BMPER: variants seen among roughly 807,000 people sequenced by gnomAD.
The protein encoded by BMPER is BMP-binding endothelial regulator protein.
A neutral mutation model predicts 87.3 loss-of-function variants in BMPER; 45 were observed. The ratio of observed to expected loss-of-function variants is 0.52; its 90% confidence interval spans 0.41 to 0.66. BMPER has a LOEUF of 0.66. BMPER is among the 30% of genes least tolerant of loss of function. The pLI, the probability that BMPER is intolerant of heterozygous loss-of-function variation, is 0.00. For missense variants in BMPER, 784 were observed against 867.5 expected (o/e 0.90, Z 1.21); for synonymous variants, 326 against 316.2 (o/e 1.03, Z -0.33).
At chr7:34,087,186 T>G (rs771165616) in intron 13 of BMPER, among the ~76,000 whole-genome samples, 1 of 152,230 alleles carries the variant, frequency 6.6e-6, no homozygotes, top group Non-Finnish European at 1.5e-5. Flanking sequence ...CCAAACCATT[T>G]GGCTCCGAGT....
At chr7:34,056,539 GCCT>G (rs1329645682) in intron 9 of BMPER, among the ~76,000 whole-genome samples, 2 of 151,454 alleles carry the variant, frequency 1.3e-5, no homozygotes, top group East Asian at 3.9e-4. Flanking sequence ...ATATAAAGTC[GCCT>G]CCTCCTCTGT....
At chr7:34,141,610 CA>C (rs70997567) in intron 13 of BMPER, among the ~76,000 whole-genome samples, 12,941 of 54,942 alleles carry the variant, frequency 0.24, 313 homozygotes, top group Middle Eastern at 0.29. Context: ...AACACCATCT[CA>C]AAAAAAAAAA....
chr7:34,145,984 T>C (rs1042036450), intron 14 of BMPER, among the ~76,000 whole-genome samples: 4 of 152,086 alleles, frequency 2.6e-5, no homozygotes, highest in Non-Finnish European at 5.9e-5. Flanking sequence ...CTCCATCAAA[T>C]GAAGTTCAGT....
At chr7:34,145,339 C>G (rs529265269) in intron 14 of BMPER, among the ~76,000 whole-genome samples, 1 of 152,280 alleles carries the variant, frequency 6.6e-6, no homozygotes, top group African/African-American at 2.4e-5. Flanking sequence ...TTTGGTTGCG[C>G]CCCCACCTCT....
At position 33,974,852 on chromosome 7, in the gene BMPER, AC is replaced by A. The variant is rs1202770329; in HGVS notation, c.576+73del. ...AGCACTTCTTGTACTCACCAAGAGC[AC>A]CCCCGGTCTCTACAGCCTCTCTCTC... is the stretch of plus-strand genomic sequence containing the variant. On this transcript the variant is annotated intron_variant, in intron 6 of 14. Transcript: ENST00000649409. 4 of 1,442,604 alleles carry A rather than the reference AC, an allele frequency of 2.8e-6. 1 individual carries two copies. Among genetic ancestry groups the A allele is most frequent in the Non-Finnish European group, 3.9e-6 (4 of 1,025,520 alleles). The allele number at this position is 1,442,604 out of a possible 1,614,324, so 89.4% of individuals were successfully genotyped here. A position where few individuals can be genotyped will look rare whatever the true frequency, so the allele number is the denominator to read the frequency against.
intron 11 of BMPER, among the ~76,000 whole-genome samples, chr7:34,065,972 T>C (rs1175099668): frequency 6.6e-6 from 1 of 152,202 alleles, no homozygotes; most frequent in Non-Finnish European, 1.5e-5. Flanking sequence ...TCCAATTTAT[T>C]TTGGTTACCT....
rs200214350 is a variant in BMPER, at chr7:34,024,384, AATATATATATATATATATATAT to A, written c.577-21893_577-21872del. ...AAAAAAAAAAAAAAAAAAAAAAAAC[AATATATATATATATATATATAT>A]ATATATATATATATATATATATATA... On this transcript the variant is annotated intron_variant, in intron 6 of 14. Transcript: ENST00000649409. Among the ~76,000 whole-genome samples, 233 of 23,430 alleles carry A rather than the reference AATATATATATATATATATATAT, an allele frequency of 9.9e-3. 13 individuals are homozygous for A. Among genetic ancestry groups the A allele is most frequent in the South Asian group, 0.011 (4 of 354 alleles). The allele number at this position is 23,430 out of a possible 152,430, so 15.4% of individuals were successfully genotyped here. A position where few individuals can be genotyped will look rare whatever the true frequency, so the allele number is the denominator to read the frequency against.
chr7:34,117,134 G>A (rs2080372), intron 13 of BMPER, among the ~76,000 whole-genome samples: 123,411 of 152,134 alleles, frequency 0.81, 50,257 homozygotes, highest in East Asian at 0.95. Context: ...ATGTAAATCC[G>A]TATCCCCCAA....
rs1433953951 is a variant in BMPER, at chr7:34,154,803, G to T, written c.*1530G>T. 2.0e-5 allele frequency: 3 copies of T among 151,548 alleles called. No individual in the cohort carries two copies. The highest frequency in any genetic ancestry group is 3.9e-4 in the East Asian group (2 of 5,164). 9.4% of individuals were successfully genotyped at this position (151,548 alleles called of 1,614,324 possible). A position where few individuals can be genotyped will look rare whatever the true frequency, so the allele number is the denominator to read the frequency against. On this transcript the variant is annotated 3_prime_UTR_variant, in exon 15 of 15. Coordinates refer to ENST00000649409, the MANE Select transcript of BMPER (RefSeq NM_001365308.1). ...TTGAATTAACTGAATAAAGTGCAGGGCGTAATAGTGACTGGCTGGGGGCAC... is the reference window on the plus strand; with the variant it reads ...TTGAATTAACTGAATAAAGTGCAGGTCGTAATAGTGACTGGCTGGGGGCAC...
chr7:34,071,146 CT>C (rs1788727271), intron 11 of BMPER, among the ~76,000 whole-genome samples: 1 of 152,184 alleles, frequency 6.6e-6, no homozygotes, highest in Non-Finnish European at 1.5e-5. Flanking sequence ...CTTTTATAGA[CT>C]ACCTCAATTT....
At chr7:34,121,808 C>A (rs181585938) in intron 13 of BMPER, among the ~76,000 whole-genome samples, 1 of 152,134 alleles carries the variant, frequency 6.6e-6, no homozygotes, top group Non-Finnish European at 1.5e-5. Flanking sequence ...AAATCCAGTG[C>A]ATTGTGAAGT....
chr7:33,926,209 G>C (rs937928568), intron 2 of BMPER, among the ~76,000 whole-genome samples: 1 of 152,168 alleles, frequency 6.6e-6, no homozygotes, highest in Non-Finnish European at 1.5e-5. Flanking sequence ...AAACAGATTC[G>C]TGTATTTTTG....
At chr7:34,102,571 G>T (rs1311912391) in intron 13 of BMPER, among the ~76,000 whole-genome samples, 1 of 152,158 alleles carries the variant, frequency 6.6e-6, no homozygotes, top group Non-Finnish European at 1.5e-5. Context: ...ACATAGAGTG[G>T]AAGAGAGGTG....
intron 13 of BMPER, among the ~76,000 whole-genome samples, chr7:34,129,758 C>G (rs1790532650): frequency 6.6e-6 from 1 of 152,148 alleles, no homozygotes; most frequent in South Asian, 2.1e-4. Context: ...ATGGACTGAA[C>G]TGGGGAGTAA....
At chr7:34,015,592 C>T (rs1308177056) in intron 6 of BMPER, among the ~76,000 whole-genome samples, 3 of 151,888 alleles carry the variant, frequency 2.0e-5, no homozygotes, top group Non-Finnish European at 4.4e-5. Context: ...GAGCAGAAAG[C>T]AACAAAGCTT....
At chr7:33,951,951 A>G (rs187544167) in intron 3 of BMPER, among the ~76,000 whole-genome samples, 1 of 152,264 alleles carries the variant, frequency 6.6e-6, no homozygotes, top group East Asian at 1.9e-4. Context: ...TTGATATTTT[A>G]TTGTTCCTTC....
upstream of BMPER, chr7:33,905,519 GCCGGCT>G: frequency 7.6e-7 from 1 of 1,319,882 alleles, no homozygotes; most frequent in Non-Finnish European, 9.9e-7. Context: ...CTCCCGACAC[GCCGGCT>G]GAGAGCCCTT....
chr7:33,995,399 G>A (rs1368938470), intron 6 of BMPER, among the ~76,000 whole-genome samples: 1 of 152,010 alleles, frequency 6.6e-6, no homozygotes, highest in African/African-American at 2.4e-5. Context: ...TCCTCCTGAA[G>A]GCAAGGAGAA....
At chr7:34,121,378 C>T (rs1470279821) in intron 13 of BMPER, among the ~76,000 whole-genome samples, 6 of 152,112 alleles carry the variant, frequency 3.9e-5, no homozygotes, top group African/African-American at 1.4e-4. Context: ...ATTTTAGTTT[C>T]AATATTTTGG....
Sources: gnomAD v4.1 joint callset for allele counts (sites outside exome capture counted in the v4.1 genomes callset) on GRCh38, gnomAD v4.1.1 for gene constraint, MANE v1.5 for transcripts, NCBI Gene and HGNC (gene_info 2026-07-23, HGNC 2026-07-21) for gene names.